PICALM: variants seen among roughly 807,000 people sequenced by gnomAD.
PICALM encodes phosphatidylinositol binding clathrin assembly protein.
In PICALM, 40 loss-of-function variants were observed where a neutral mutation model predicts 80.5. The ratio of observed to expected loss-of-function variants is 0.50; its 90% CI spans 0.39 to 0.65. PICALM has a LOEUF of 0.65. Ranked by LOEUF, PICALM falls within the 30% of genes least tolerant of loss-of-function variation. The probability of loss-of-function intolerance (pLI) is 0.00; values close to 1 mark genes in which losing one functional copy is unlikely to be tolerated. For synonymous variants in PICALM, 288 were observed against 260.3 expected (o/e 1.11, Z -1.02); for missense variants, 676 against 778.9 (o/e 0.87, Z 1.57).
At chr11:86,061,330 C>CAAAAAAAAAAAAAAAAAAAA (rs58836221) in intron 1 of PICALM, among the ~76,000 whole-genome samples, 1 of 81,176 alleles carries the variant, frequency 1.2e-5, no homozygotes, top group Non-Finnish European at 2.4e-5. Flanking sequence ...GACTCCATCT[C>CAAAAAAAAAAAAAAAAAAAA]AAAAAAAAAA....
At chr11:86,023,504 G>A (rs55723352) in intron 3 of PICALM, 43,714 of 984,230 alleles carry the variant, frequency 0.044, 1,035 homozygotes, top group Non-Finnish European at 0.049. Flanking sequence ...ATCCTAAGAC[G>A]GTAAACACCT....
intron 2 of PICALM, 82 bp from the exon 3 acceptor site, chr11:86,026,449 TA>T: frequency 1.3e-6 from 1 of 768,788 alleles, no homozygotes; most frequent in Non-Finnish European, 2.2e-6. Flanking sequence ...AAGTTATGGT[TA>T]ACACATTCTA....
At position 86,000,772 on chromosome 11, in the gene PICALM, C is replaced by T. The variant is rs763392225; in HGVS notation, c.1025G>A (p.Arg342His). The change falls in exon 11 of 20, where the codon CGC becomes CAC. Residue 342 changes from arginine to histidine, a missense_variant. Coordinates refer to ENST00000393346, the MANE Select transcript of PICALM (RefSeq NM_007166.4). ...QARLKALKEQ[R>H]LKELAKKPHT... ...AGGTTTCTTTGCAAGTTCTTTTAGG[C>T]GCTGTTCCTGTTAAGAAAGGGAACT... 1.1e-5 allele frequency: 17 copies of T among 1,612,348 alleles called. No homozygotes were observed. Among genetic ancestry groups the T allele is most frequent in the Non-Finnish European group, 1.4e-5 (16 of 1,179,750 alleles).
chr11:86,032,312 G>A (rs886331269), intron 1 of PICALM, among the ~76,000 whole-genome samples: 10 of 152,092 alleles, frequency 6.6e-5, no homozygotes, highest in African/African-American at 1.4e-4. Context: ...GATATTATTC[G>A]TAAACTCAAT....
chr11:85,971,050 T>C (rs1032735375), intron 19 of PICALM, among the ~76,000 whole-genome samples: 10 of 152,286 alleles, frequency 6.6e-5, no homozygotes, highest in African/African-American at 1.9e-4. Context: ...TGTGATTAGA[T>C]ACATGCAGAA....
chr11:86,006,243 T>A (rs1232389294), intron 8 of PICALM, among the ~76,000 whole-genome samples: 1 of 152,216 alleles, frequency 6.6e-6, no homozygotes, highest in Non-Finnish European at 1.5e-5. Context: ...TTTACTTACA[T>A]ATAACCCATG....
intron 1 of PICALM, among the ~76,000 whole-genome samples, chr11:86,034,959 G>A (rs561367185): frequency 1.3e-5 from 2 of 152,244 alleles, no homozygotes; most frequent in African/African-American, 4.8e-5. Flanking sequence ...ACAGATTAAT[G>A]ACTAGAATTA....
intron 1 of PICALM, among the ~76,000 whole-genome samples, chr11:86,035,880 G>A (rs576543635): frequency 7.7e-4 from 115 of 149,204 alleles, no homozygotes; most frequent in Non-Finnish European, 1.5e-3. Flanking sequence ...TCTGGGAGGC[G>A]GAGGTTGCAG....
In PICALM at chr11:86,012,343, A is replaced by G. The variant is rs1472499562; in HGVS notation, c.596T>C (p.Leu199Pro). 3 of 1,611,636 alleles carry G rather than the reference A, an allele frequency of 1.9e-6. No individual in the cohort carries two copies. Among genetic ancestry groups the G allele is most frequent in the Admixed American group, 3.3e-5 (2 of 59,890 alleles). ...CAGTCTAATGGCATCTTTGAACAGG[A>G]GCATGAAGGCAGCATTTATTACCCC... ...TNGVINAAFM[L>P]LFKDAIRLFA... The change falls in exon 6 of 20, where the codon CTC becomes CCC. Residue 199 changes from leucine (L) to proline (P), a missense_variant. Leu to Pro is a moderately conservative substitution (Grantham distance 98). This residue lies in a region of PICALM where 285 missense variants were observed against 395.4 expected (regional missense o/e 0.72). Coordinates refer to ENST00000393346, the MANE Select transcript of PICALM (RefSeq NM_007166.4).
chr11:86,044,412 C>T (rs1296467174), intron 1 of PICALM, among the ~76,000 whole-genome samples: 1 of 152,146 alleles, frequency 6.6e-6, no homozygotes, highest in African/African-American at 2.4e-5. Flanking sequence ...TCCACCTGTG[C>T]CAAACCAAAG....
chr11:86,059,246 T>A (rs1286113666), intron 1 of PICALM, among the ~76,000 whole-genome samples: 1 of 152,228 alleles, frequency 6.6e-6, no homozygotes, highest in Non-Finnish European at 1.5e-5. Flanking sequence ...CAATATTTAC[T>A]GAGCACCCAT....
chr11:86,011,261 T>C, intron 6 of PICALM, 125 bp from the exon 7 acceptor site: 1 of 559,050 alleles, frequency 1.8e-6, no homozygotes, highest in Non-Finnish European at 3.1e-6. Flanking sequence ...ACTAGAAAAA[T>C]ATCAGTGTTA....
intron 11 of PICALM, 22 bp from the exon 12 acceptor site, chr11:85,996,951 G>C (rs766936638): frequency 1.9e-6 from 3 of 1,540,734 alleles, no homozygotes; most frequent in East Asian, 4.6e-5. Context: ...TTTTGGAAAC[G>C]TGTTTTATTT....
At chr11:86,067,618 T>C (rs1285869050) in intron 1 of PICALM, among the ~76,000 whole-genome samples, 2 of 152,160 alleles carry the variant, frequency 1.3e-5, no homozygotes, top group Non-Finnish European at 2.9e-5. Context: ...AATTAAAACA[T>C]CCAAACTCAA....
At chr11:86,044,440 G>A (rs1020947119) in intron 1 of PICALM, among the ~76,000 whole-genome samples, 19 of 152,168 alleles carry the variant, frequency 1.2e-4, no homozygotes, top group African/African-American at 3.1e-4. Flanking sequence ...AAACGGGATC[G>A]TCTCTTGGTA....
chr11:86,062,255 G>A (rs1050735958), intron 1 of PICALM, among the ~76,000 whole-genome samples: 3 of 152,158 alleles, frequency 2.0e-5, no homozygotes, highest in South Asian at 2.1e-4. Flanking sequence ...AGTGGCTCAC[G>A]CCTGTAATCC....
intron 4 of PICALM, among the ~76,000 whole-genome samples, chr11:86,021,677 A>T (rs1156930423): frequency 2.6e-5 from 4 of 152,200 alleles, no homozygotes; most frequent in Non-Finnish European, 5.9e-5. Flanking sequence ...CAGCAATTCC[A>T]CTTCTAGGTA....
chr11:86,058,652 C>T (rs924051756), intron 1 of PICALM, among the ~76,000 whole-genome samples: 6 of 152,200 alleles, frequency 3.9e-5, no homozygotes, highest in Non-Finnish European at 7.4e-5. Context: ...ACCACCCTAA[C>T]CTTTGCCTAT....
chr11:85,997,510 G>C (rs1249399816), intron 11 of PICALM, among the ~76,000 whole-genome samples: 1 of 152,068 alleles, frequency 6.6e-6, no homozygotes, highest in African/African-American at 2.4e-5. Context: ...TCGCTCTGTC[G>C]CCCAGGATGG....
Sources: gnomAD v4.1 joint callset for allele counts (sites outside exome capture counted in the v4.1 genomes callset) on GRCh38, gnomAD v4.1.1 for gene constraint, gnomAD v4.1.1 regional missense constraint, MANE v1.5 for transcripts, NCBI Gene and HGNC (gene_info 2026-07-23, HGNC 2026-07-21) for gene names.